RAI14: variants seen among roughly 807,000 people sequenced by gnomAD.
The protein encoded by RAI14 is ankycorbin.
Under a neutral mutation model 115.4 loss-of-function variants are expected in RAI14, and 45 were observed. The observed-to-expected ratio is 0.39, with a 90% CI of 0.31 to 0.50. RAI14 has a LOEUF of 0.50. Among genes scored for constraint, RAI14 ranks in the 20% least tolerant of loss-of-function variants. The probability of loss-of-function intolerance (pLI) is 0.85; values close to 1 mark genes in which losing one functional copy is unlikely to be tolerated. For missense variants in RAI14, 939 were observed against 1,131.2 expected (o/e 0.83, Z 2.44); for synonymous variants, 371 against 415.4 (o/e 0.89, Z 1.30).
chr5:34,701,367 A>G (rs1740044794), intron 2 of RAI14, among the ~76,000 whole-genome samples: 1 of 152,214 alleles, frequency 6.6e-6, no homozygotes, highest in Admixed American at 6.5e-5. Context: ...TAACATAGTT[A>G]CATCTTTTTC....
intron 1 of RAI14, among the ~76,000 whole-genome samples, chr5:34,680,345 C>G (rs77512977): frequency 0.028 from 4,217 of 152,246 alleles, 198 homozygotes; most frequent in African/African-American, 0.097. Context: ...TGGTCCCTAG[C>G]AAGGGACATC....
At chr5:34,760,903 C>T (rs566928254) in intron 3 of RAI14, among the ~76,000 whole-genome samples, 1 of 152,280 alleles carries the variant, frequency 6.6e-6, no homozygotes, top group African/African-American at 2.4e-5. Flanking sequence ...CCCAACCTCC[C>T]CTCCCCTTCC....
intron 3 of RAI14, among the ~76,000 whole-genome samples, chr5:34,778,199 T>C (rs1751125371): frequency 1.3e-5 from 2 of 152,232 alleles, no homozygotes; most frequent in Non-Finnish European, 2.9e-5. Context: ...TTTTAACTTA[T>C]TCTATGTTTA....
intron 2 of RAI14, among the ~76,000 whole-genome samples, chr5:34,736,129 G>A (rs908870413): frequency 2.7e-5 from 4 of 148,026 alleles, no homozygotes; most frequent in Non-Finnish European, 3.0e-5. Context: ...AGCTGGGCGC[G>A]GTGACTCACG....
intron 3 of RAI14, among the ~76,000 whole-genome samples, chr5:34,770,946 G>C (rs1358467436): frequency 1.3e-5 from 2 of 152,128 alleles, no homozygotes; most frequent in Non-Finnish European, 2.9e-5. Flanking sequence ...AGGTGGTCAG[G>C]ATACAAGGCT....
intron 2 of RAI14, among the ~76,000 whole-genome samples, chr5:34,749,855 C>T (rs1746763152): frequency 6.6e-6 from 1 of 152,090 alleles, no homozygotes; most frequent in Non-Finnish European, 1.5e-5. Context: ...TAAACAGTCT[C>T]TTGGAAAAGT....
chr5:34,738,756 TAA>T (rs1002262823), intron 2 of RAI14, among the ~76,000 whole-genome samples: 2 of 152,234 alleles, frequency 1.3e-5, no homozygotes, highest in African/African-American at 4.8e-5. Flanking sequence ...CTTAACACTC[TAA>T]GAGATATCCT....
intron 5 of RAI14, among the ~76,000 whole-genome samples, chr5:34,804,066 C>T (rs13362336): frequency 2.5e-3 from 382 of 152,286 alleles, no homozygotes; most frequent in African/African-American, 8.9e-3. Flanking sequence ...GAAGGACTTA[C>T]ACCCTCTAAA....
intron 4 of RAI14, among the ~76,000 whole-genome samples, chr5:34,796,442 CA>C (rs1289440261): frequency 6.6e-6 from 1 of 151,624 alleles, no homozygotes; most frequent in Non-Finnish European, 1.5e-5. Context: ...ATTTAGAGTC[CA>C]AAAGAAGAAA....
chr5:34,692,280 AT>A (rs1177262484), intron 2 of RAI14, among the ~76,000 whole-genome samples: 1 of 151,290 alleles, frequency 6.6e-6, no homozygotes, highest in Non-Finnish European at 1.5e-5. Context: ...AAAAATAATA[AT>A]AAAAGATAAC....
At chr5:34,784,969 TGTA>T (rs1752124235) in intron 3 of RAI14, among the ~76,000 whole-genome samples, 1 of 152,226 alleles carries the variant, frequency 6.6e-6, no homozygotes. Context: ...GTGGCACAAT[TGTA>T]GTGTCATTTA....
At chr5:34,676,106 G>T in intron 1 of RAI14, among the ~76,000 whole-genome samples, 1 of 152,186 alleles carries the variant, frequency 6.6e-6, no homozygotes, top group South Asian at 2.1e-4. Context: ...ATTTCACAAT[G>T]ACTATACCAT....
intron 2 of RAI14, among the ~76,000 whole-genome samples, chr5:34,709,451 T>A (rs1463395884): frequency 1.3e-5 from 2 of 151,818 alleles, no homozygotes; most frequent in Non-Finnish European, 2.9e-5. Flanking sequence ...GGTCTCCAAT[T>A]AAAAAAAAGA....
rs373392887 is a variant in RAI14, at chr5:34,700,026, A to C, written c.36+13071A>C. Among the ~76,000 whole-genome samples the C allele has an allele frequency of 8.5e-5, 13 of 152,326 alleles. No homozygotes were observed. In the East Asian group the frequency reaches 9.6e-4, roughly 11 times the overall value. On this transcript the variant is annotated intron_variant, in intron 2 of 17. Coordinates refer to ENST00000265109, the MANE Select transcript of RAI14 (RefSeq NM_015577.3). Reference sequence around the variant, plus strand: ...GAGAGGGGCGGAGAATATGGAAATCAAAGCGGTCAGACTTGTTTTGAGCTG... The same window carrying C: ...GAGAGGGGCGGAGAATATGGAAATCCAAGCGGTCAGACTTGTTTTGAGCTG...
intron 1 of RAI14, among the ~76,000 whole-genome samples, chr5:34,674,658 G>C (rs1743850050): frequency 6.8e-6 from 1 of 147,216 alleles, no homozygotes; most frequent in African/African-American, 2.6e-5. Context: ...GATCTCACCT[G>C]ACTGCGACCT....
At chr5:34,723,732 G>C (rs1743100702) in intron 2 of RAI14, among the ~76,000 whole-genome samples, 1 of 152,050 alleles carries the variant, frequency 6.6e-6, no homozygotes, top group African/African-American at 2.4e-5. Context: ...GTTTTTACAT[G>C]TATAACATCA....
In RAI14 at chr5:34,799,251, T is replaced by C. The variant is rs115168287; in HGVS notation, c.256+3224T>C. Among the ~76,000 whole-genome samples the C allele has an allele frequency of 3.2e-3, 488 of 152,302 alleles. 2 individuals carry two copies. The highest frequency in any genetic ancestry group is 0.011 in the African/African-American group (468 of 41,562). On this transcript the variant is annotated intron_variant, in intron 4 of 17. Transcript: ENST00000265109. ...ATACAAGGGAAGGATGAGGTTACGT[T>C]AGTAACAGTGCTTAGTGGTCATCAC...
At chr5:34,734,246 T>TG (rs941863834) in intron 2 of RAI14, among the ~76,000 whole-genome samples, 1 of 152,054 alleles carries the variant, frequency 6.6e-6, no homozygotes, top group Non-Finnish European at 1.5e-5. Context: ...GTCAGTGAAC[T>TG]GGGGGGGCTG....
chr5:34,792,235 C>CTTTT lies in RAI14; in HGVS notation c.168-3691_168-3688dup, dbSNP rs55986330. 2.9e-3 allele frequency among the ~76,000 whole-genome samples: 366 copies of CTTTT among 127,458 alleles called. 5 individuals carry two copies. The highest frequency in any genetic ancestry group is 8.9e-3 in the South Asian group (35 of 3,950). The allele number at this position is 127,458 out of a possible 152,430, so 83.6% of individuals were successfully genotyped here. A position where few individuals can be genotyped will look rare whatever the true frequency, so the allele number is the denominator to read the frequency against. On this transcript the variant is annotated intron_variant, in intron 3 of 17. Transcript: ENST00000265109. ...CTTTCCTGCTTTTCTTTTCTTTTTTCTTTTTTTTTTTTTTTTGAGACGGAG... is the reference window on the plus strand; with the variant it reads ...CTTTCCTGCTTTTCTTTTCTTTTTTCTTTTTTTTTTTTTTTTTTTTGAGACGGAG...
Sources: allele counts gnomAD v4.1 joint callset (sites outside exome capture counted in the v4.1 genomes callset), GRCh38; gene constraint gnomAD v4.1.1; transcripts MANE v1.5; gene names NCBI Gene and HGNC (gene_info 2026-07-23, HGNC 2026-07-21).